The following PDE3B variants were observed in gnomAD, a reference collection of about 807,000 sequenced individuals.
The protein encoded by PDE3B is cGMP-inhibited 3',5'-cyclic phosphodiesterase 3B.
PDE3B carries 66 observed loss-of-function variants against 116.8 expected under a neutral mutation model. The observed-to-expected ratio is 0.56, with a 90% confidence interval of 0.46 to 0.69. The LOEUF (loss-of-function observed/expected upper bound fraction) is 0.69. PDE3B is among the 30% of genes least tolerant of loss of function. The probability of loss-of-function intolerance (pLI) is 0.00; values close to 1 mark genes in which losing one functional copy is unlikely to be tolerated. For missense variants in PDE3B, 1,384 were observed against 1,368.1 expected (o/e 1.01, Z -0.18); for synonymous variants, 595 against 533.6 (o/e 1.12, Z -1.59).
chr11:14,827,268 A>T lies in PDE3B; in HGVS notation c.1808-3430A>T, dbSNP rs1189318276. Among the ~76,000 whole-genome samples, 86 of 152,288 alleles carry T rather than the reference A, an allele frequency of 5.6e-4. 1 individual carries two copies. The highest frequency in any genetic ancestry group is 5.6e-3 in the Admixed American group (86 of 15,292). On this transcript the variant is annotated intron_variant, in intron 7 of 15. Transcript: ENST00000282096. Reference sequence around the variant, plus strand: ...CCTTGAAAACGGGCACAAGACAAGGATGCCCTCTCTCACCACTCCTATTTA... The same window carrying T: ...CCTTGAAAACGGGCACAAGACAAGGTTGCCCTCTCTCACCACTCCTATTTA...
intron 5 of PDE3B, among the ~76,000 whole-genome samples, chr11:14,805,449 G>T (rs1008967973): frequency 6.6e-6 from 1 of 152,156 alleles, no homozygotes; most frequent in African/African-American, 2.4e-5. Context: ...TCACTTCCCT[G>T]CAACAGTAAC....
intron 4 of PDE3B, among the ~76,000 whole-genome samples, chr11:14,801,327 G>A (rs1235353785): frequency 1.3e-5 from 2 of 152,108 alleles, no homozygotes; most frequent in Admixed American, 6.5e-5. Context: ...ACCTTCAGAT[G>A]GGGTCTTTGA....
intron 1 of PDE3B, among the ~76,000 whole-genome samples, chr11:14,707,512 T>C (rs2133824293): frequency 6.6e-6 from 1 of 152,062 alleles, no homozygotes; most frequent in East Asian, 1.9e-4. Flanking sequence ...GGTGTGGCTT[T>C]TAGGAAACAG....
chr11:14,659,490 C>T (rs1565076748), intron 1 of PDE3B, among the ~76,000 whole-genome samples: 1 of 152,146 alleles, frequency 6.6e-6, no homozygotes, highest in Non-Finnish European at 1.5e-5. Context: ...ATTTAGCAAA[C>T]TCTGGAAATG....
chr11:14,813,285 A>G (rs1193937644), intron 5 of PDE3B, among the ~76,000 whole-genome samples: 1 of 152,180 alleles, frequency 6.6e-6, no homozygotes, highest in African/African-American at 2.4e-5. Context: ...GCAAGGTGTC[A>G]GCAGGGCTAT....
At chr11:14,718,792 A>T (rs1216388715) in intron 1 of PDE3B, among the ~76,000 whole-genome samples, 2 of 136,702 alleles carry the variant, frequency 1.5e-5, no homozygotes, top group African/African-American at 5.5e-5. Flanking sequence ...GGAAATTTAT[A>T]GCACTAAATG....
At chr11:14,754,423 C>T (rs1319759840) in intron 1 of PDE3B, among the ~76,000 whole-genome samples, 2 of 152,116 alleles carry the variant, frequency 1.3e-5, no homozygotes, top group African/African-American at 4.8e-5. Flanking sequence ...TGTGTATTAT[C>T]TCACTTGATG....
chr11:14,644,760 G>C lies in PDE3B; in HGVS notation c.685G>C (p.Val229Leu), dbSNP rs775263753. The change falls in exon 1 of 16, where the codon GTC (valine) becomes CTC (leucine). Residue 229 changes from valine to leucine, a missense_variant. Physicochemically the swap from Val to Leu is conservative, Grantham distance 32. Coordinates refer to ENST00000282096, the MANE Select transcript of PDE3B (RefSeq NM_000922.4). Reference sequence around the variant, plus strand: ...TCTGGTGCTGCTCCTGGCCAGCTTCGTCTGGTGGGTCTCCTTCACCAGCCT... The same window carrying C: ...TCTGGTGCTGCTCCTGGCCAGCTTCCTCTGGTGGGTCTCCTTCACCAGCCT... ...CVLVLLLASF[V>L]WWVSFTSLGS... The C allele has an allele frequency of 5.6e-6, 9 of 1,598,764 alleles. No individual in the cohort carries two copies. The South Asian group carries it at 1.0e-4, about 18-fold the overall frequency.
intron 2 of PDE3B, chr11:14,773,287 T>G (rs895938892): frequency 2.6e-5 from 4 of 152,114 alleles, no homozygotes; most frequent in South Asian, 4.1e-4. Flanking sequence ...AAACCATCCC[T>G]GTATTCCCAG....
intron 1 of PDE3B, among the ~76,000 whole-genome samples, chr11:14,751,793 C>T (rs536040588): frequency 7.9e-5 from 12 of 152,248 alleles, no homozygotes; most frequent in Admixed American, 1.3e-4. Context: ...AGATAGGCAA[C>T]GAGATTTATC....
intron 14 of PDE3B, among the ~76,000 whole-genome samples, chr11:14,863,129 TGC>T (rs1261513172): frequency 6.6e-6 from 1 of 151,932 alleles, no homozygotes; most frequent in Non-Finnish European, 1.5e-5. Flanking sequence ...AGTGAGAACA[TGC>T]GGTATTTGGT....
At chr11:14,729,966 T>C (rs1329000279) in intron 1 of PDE3B, among the ~76,000 whole-genome samples, 1 of 152,084 alleles carries the variant, frequency 6.6e-6, no homozygotes, top group Non-Finnish European at 1.5e-5. Context: ...CTGAGAGGGT[T>C]GTAGAACTAG....
chr11:14,832,610 C>T (rs374951099), intron 9 of PDE3B, 112 bp from the exon 10 acceptor site: 84 of 461,834 alleles, frequency 1.8e-4, no homozygotes, highest in East Asian at 1.6e-3. Flanking sequence ...TTATTAAAGA[C>T]GTATATTAAT....
chr11:14,776,132 C>G (rs982941868), intron 2 of PDE3B: 1 of 152,304 alleles, frequency 6.6e-6, no homozygotes, highest in Non-Finnish European at 1.5e-5. Flanking sequence ...GGTCTAGGCC[C>G]CCACTCTCAA....
chr11:14,827,696 C>G (rs977037023), intron 7 of PDE3B, among the ~76,000 whole-genome samples: 1 of 152,182 alleles, frequency 6.6e-6, no homozygotes, highest in African/African-American at 2.4e-5. Context: ...ACATTCTGTG[C>G]TCATGGATAG....
chr11:14,794,421 A>G (rs929842097), intron 4 of PDE3B, among the ~76,000 whole-genome samples: 21 of 151,498 alleles, frequency 1.4e-4, no homozygotes, highest in African/African-American at 3.6e-4. Flanking sequence ...GGATCAAGCA[A>G]TTCTTCCTCA....
intron 14 of PDE3B, among the ~76,000 whole-genome samples, chr11:14,863,637 G>A (rs1259394498): frequency 6.6e-6 from 1 of 152,128 alleles, no homozygotes; most frequent in Non-Finnish European, 1.5e-5. Context: ...AGAAGAGAGT[G>A]GGGGCCAATA....
At chr11:14,677,251 A>G (rs534007817) in intron 1 of PDE3B, among the ~76,000 whole-genome samples, 5 of 152,102 alleles carry the variant, frequency 3.3e-5, no homozygotes, top group Non-Finnish European at 7.4e-5. Context: ...TTCAGAATAC[A>G]TTTTGTGTTC....
rs111661118 is a variant in PDE3B, at chr11:14,859,463, C to T, written c.2724+217C>T. On this transcript the variant is annotated intron_variant, in intron 13 of 15. Transcript: ENST00000282096. Reference sequence around the variant, plus strand: ...TATTATTGCTTGTTATATTTTCTTTCGACACATAAACTTATACTATTGTGA... The same window carrying T: ...TATTATTGCTTGTTATATTTTCTTTTGACACATAAACTTATACTATTGTGA... Among the ~76,000 whole-genome samples the T allele has an allele frequency of 5.1e-3, 781 of 151,902 alleles. 9 individuals carry two copies. Among genetic ancestry groups the T allele is most frequent in the African/African-American group, 0.018 (752 of 41,432 alleles).
Sources: allele counts gnomAD v4.1 joint callset (sites outside exome capture counted in the v4.1 genomes callset), GRCh38; gene constraint gnomAD v4.1.1; transcripts MANE v1.5; gene names NCBI Gene and HGNC (gene_info 2026-07-23, HGNC 2026-07-21).